KLHL10: variants seen among roughly 807,000 people sequenced by gnomAD.
KLHL10 encodes kelch like family member 10.
KLHL10 carries 11 observed loss-of-function variants against 46.6 expected under a neutral mutation model. The ratio of observed to expected loss-of-function variants is 0.24; its 90% confidence interval spans 0.15 to 0.39. The LOEUF is 0.39. Among genes scored for constraint, KLHL10 ranks in the 10% least tolerant of loss-of-function variants. The pLI, the probability that KLHL10 is intolerant of heterozygous loss-of-function variation, is 1.00. For synonymous variants in KLHL10, 254 were observed against 279.1 expected, an observed-to-expected ratio of 0.91 and a Z score of 0.90; for missense variants, 475 against 789.8, an observed-to-expected ratio of 0.60 and a Z score of 4.78.
upstream of KLHL10, chr17:41,836,355 C>T (rs2048159930): frequency 4.1e-6 from 5 of 1,224,330 alleles, no homozygotes; most frequent in Admixed American, 8.5e-5. Context: ...GGCCGCGATC[C>T]GGGTGGGCTT....
At chr17:41,836,002 GGCCCGAGGGGA>G, upstream of KLHL10, 1 of 1,490,772 alleles carries the variant, frequency 6.7e-7, no homozygotes, top group African/African-American at 1.4e-5. Flanking sequence ...CGCCACGCTG[GGCCCGAGGGGA>G]GCCCGGGGCT....
At chr17:41,840,064 C>T (rs1056373334) in intron 1 of KLHL10, among the ~76,000 whole-genome samples, 1 of 152,116 alleles carries the variant, frequency 6.6e-6, no homozygotes, top group Non-Finnish European at 1.5e-5. Flanking sequence ...CTCCTGACTT[C>T]AGGTGATCCG....
chr17:41,841,665 A>C, intron 1 of KLHL10, 158 bp from the exon 2 acceptor site: 1 of 786,614 alleles, frequency 1.3e-6, no homozygotes, highest in Non-Finnish European at 2.1e-6. Flanking sequence ...TCCATCCACA[A>C]GGTAAGAGTG....
At chr17:41,836,830 C>CA (rs1299054624), upstream of KLHL10, among the ~76,000 whole-genome samples, 1 of 151,234 alleles carries the variant, frequency 6.6e-6, no homozygotes, top group Non-Finnish European at 1.5e-5. Context: ...GTCTCAGAAA[C>CA]AAAAACAGAA....
upstream of KLHL10, among the ~76,000 whole-genome samples, chr17:41,836,655 T>G (rs369003792): frequency 6.6e-6 from 1 of 152,026 alleles, no homozygotes; most frequent in Non-Finnish European, 1.5e-5. Flanking sequence ...AAACCCTGTC[T>G]CTACAAAAAA....
chr17:41,835,829 C>A (rs782053152), upstream of KLHL10: 2 of 1,578,572 alleles, frequency 1.3e-6, no homozygotes, highest in South Asian at 1.2e-5. Context: ...CGCCCCCAGC[C>A]CGGCCGGCCC....
Position 41,845,377 on chromosome 17 carries a change from C to T in KLHL10, c.936C>T (p.Asp312=), listed in dbSNP as rs782377797. The T allele has an allele frequency of 8.4e-5, 135 of 1,614,088 alleles. No individual in the cohort carries two copies. The highest frequency in any genetic ancestry group is 1.6e-4 in the Middle Eastern group (1 of 6,084). Residue 312 remains aspartate, a synonymous_variant, in exon 3 of 5, where the codon GAC becomes GAT. Transcript: ENST00000293303. ...GSPTNAIEAY[D]ARADRWVNVT... ...CCACCAATGCCATTGAGGCATATGA[C>T]GCTCGGGCAGACAGATGGGTGAATG...
At position 41,837,927 on chromosome 17, in the gene KLHL10, G is replaced by A. The variant is rs781988819; in HGVS notation, c.-6G>A. On this transcript the variant is annotated 5_prime_UTR_variant, in exon 1 of 5. Coordinates refer to ENST00000293303, the MANE Select transcript of KLHL10 (RefSeq NM_152467.5). ...AAGCAGCCTCTCTCCGCTGTCCCAG[G>A]GTGCCATGGAGATGGAGAGCGCGGC... 1 of 1,613,508 alleles carries A rather than the reference G, an allele frequency of 6.2e-7. No homozygotes were observed. The highest frequency in any genetic ancestry group is 8.5e-7 in the Non-Finnish European group (1 of 1,179,988).
upstream of KLHL10, chr17:41,836,062 A>AG: frequency 7.2e-7 from 1 of 1,395,908 alleles, no homozygotes; most frequent in Non-Finnish European, 9.3e-7. Flanking sequence ...GGGGTGCGCG[A>AG]GGGGGCGGCT....
At chr17:41,836,053 G>A, upstream of KLHL10, 1 of 1,405,540 alleles carries the variant, frequency 7.1e-7, no homozygotes, top group Non-Finnish European at 9.3e-7. Context: ...GGCGGGGCCG[G>A]GGTGCGCGAG....
intron 1 of KLHL10, among the ~76,000 whole-genome samples, chr17:41,838,751 C>G (rs186968674): frequency 6.7e-6 from 1 of 150,160 alleles, no homozygotes; most frequent in Admixed American, 6.6e-5. Context: ...TGCAATGGCG[C>G]CATCTCGGCT....
At chr17:41,838,657 T>G (rs1241254974) in intron 1 of KLHL10, among the ~76,000 whole-genome samples, 3 of 10,226 alleles carry the variant, frequency 2.9e-4, no homozygotes, top group Non-Finnish European at 4.8e-4. Context: ...TTTGTTTTGT[T>G]TTTTTTTTTC....
intron 3 of KLHL10, 41 bp from the exon 4 acceptor site, chr17:41,847,220 C>A: frequency 6.3e-7 from 1 of 1,597,566 alleles, no homozygotes; most frequent in Non-Finnish European, 8.6e-7. Flanking sequence ...TTTCTACTCC[C>A]TAGAGTGGGA....
intron 2 of KLHL10, among the ~76,000 whole-genome samples, chr17:41,844,254 G>A (rs553285852): frequency 7.0e-6 from 1 of 142,724 alleles, no homozygotes; most frequent in African/African-American, 2.6e-5. Context: ...TTTTTGAGTT[G>A]GAGTCTAGCT....
At chr17:41,837,321 C>T (rs1276916637), upstream of KLHL10, among the ~76,000 whole-genome samples, 2 of 152,208 alleles carry the variant, frequency 1.3e-5, no homozygotes, top group Non-Finnish European at 2.9e-5. Flanking sequence ...TGTGCCACCA[C>T]GCCCAGCTAA....
At chr17:41,838,249 C>T (rs1234204540) in intron 1 of KLHL10, 123 bp downstream of exon 1, 2 of 882,246 alleles carry the variant, frequency 2.3e-6, no homozygotes, top group Non-Finnish European at 3.5e-6. Context: ...GCTCTGGGCT[C>T]CTTAAAAATT....
At chr17:41,839,683 T>A (rs560605212) in intron 1 of KLHL10, among the ~76,000 whole-genome samples, 2 of 152,304 alleles carry the variant, frequency 1.3e-5, no homozygotes, top group South Asian at 4.1e-4. Flanking sequence ...CTCATTCAGG[T>A]AGACCACAGA....
upstream of KLHL10, chr17:41,837,415 G>A (rs1163381326): frequency 1.7e-5 from 4 of 237,792 alleles, no homozygotes; most frequent in Non-Finnish European, 2.8e-5. Context: ...CATCCACCTC[G>A]TGCTGGGATT....
rs1021250962 is a variant in KLHL10, at chr17:41,841,945, C to T, written c.317C>T (p.Pro106Leu). Residue 106 changes from proline to leucine, a missense_variant, in exon 2 of 5, where the codon CCG (proline) becomes CTG (leucine). By Grantham distance (98) the Pro-to-Leu change is moderately conservative. Transcript: ENST00000293303. ...YAYTRTVPITPDNVEKLLAAA... is the reference protein window; with the variant it reads ...YAYTRTVPITLDNVEKLLAAA... ...TACACCCGGACCGTGCCTATCACAC[C>T]GGACAATGTGGAGAAACTGCTTGCT... 13 of 1,614,160 alleles carry T rather than the reference C, an allele frequency of 8.1e-6. No individual in the cohort carries two copies. The highest frequency in any genetic ancestry group is 7.7e-5 in the South Asian group (7 of 91,088).
Sources: allele counts gnomAD v4.1 joint callset (sites outside exome capture counted in the v4.1 genomes callset), GRCh38; gene constraint gnomAD v4.1.1; transcripts MANE v1.5; gene names NCBI Gene and HGNC (gene_info 2026-07-23, HGNC 2026-07-21).